The following TMC1 variants were observed in gnomAD, a reference collection of about 807,000 sequenced individuals.
TMC1 encodes the protein transmembrane channel-like protein 1.
A neutral mutation model predicts 105.8 loss-of-function variants in TMC1; 84 were observed. The observed-to-expected ratio is 0.79, with a 90% CI of 0.67 to 0.95. The LOEUF (loss-of-function observed/expected upper bound fraction) is 0.95, where lower values mean the gene tolerates loss of function less well. Among genes scored for constraint, TMC1 ranks in the 40% least tolerant of loss-of-function variants. TMC1 has a pLI of 0.00. For missense variants in TMC1, 817 were observed against 914.1 expected (o/e 0.89, Z 1.37); for synonymous variants, 315 against 311.5 (o/e 1.01, Z -0.12).
intron 7 of TMC1, among the ~76,000 whole-genome samples, chr9:72,699,820 G>A (rs1375075619): frequency 6.6e-6 from 1 of 151,748 alleles, no homozygotes; most frequent in Admixed American, 6.6e-5. Context: ...AGCCGGGCAA[G>A]ATGGCAGATG....
At chr9:72,722,565 A>G (rs1223605083) in intron 8 of TMC1, among the ~76,000 whole-genome samples, 1 of 152,190 alleles carries the variant, frequency 6.6e-6, no homozygotes, top group Non-Finnish European at 1.5e-5. Context: ...TCTCCATTTC[A>G]GAAGAGATTT....
intron 1 of TMC1, among the ~76,000 whole-genome samples, chr9:72,536,053 T>G (rs1377809800): frequency 6.6e-6 from 1 of 152,210 alleles, no homozygotes; most frequent in Non-Finnish European, 1.5e-5. Context: ...CCCCTAAAAC[T>G]TATGTCCTTC....
At chr9:72,749,487 A>T (rs533786657) in intron 10 of TMC1, among the ~76,000 whole-genome samples, 1 of 152,308 alleles carries the variant, frequency 6.6e-6, no homozygotes, top group African/African-American at 2.4e-5. Context: ...GATAACGGCC[A>T]TGAAATGGTA....
rs1021366573 is a variant in TMC1 at position 72,789,387 on chromosome 9, G to C, written c.1224+70G>C. 8.0e-6 allele frequency: 12 copies of C among 1,500,902 alleles called. No individual in the cohort carries two copies. The African/African-American group carries it at 1.5e-4, about 19-fold the overall frequency. The allele number at this position is 1,500,902 out of a possible 1,614,324, so 93.0% of individuals were successfully genotyped here. A position where few individuals can be genotyped will look rare whatever the true frequency, so the allele number is the denominator to read the frequency against. On this transcript the variant is annotated intron_variant, in intron 15 of 23. Transcript: ENST00000297784. ...TTTCTTTTGTGGGTTATGTTTCTTT[G>C]ATGGAACATTTAAAAAGGCCACCCT...
At chr9:72,561,132 T>A (rs1227899073) in intron 1 of TMC1, among the ~76,000 whole-genome samples, 1 of 151,548 alleles carries the variant, frequency 6.6e-6, no homozygotes, top group East Asian at 2.0e-4. Flanking sequence ...CCATCCTGGC[T>A]AACACGGTGA....
At chr9:72,605,120 A>G (rs1304697824) in intron 2 of TMC1, among the ~76,000 whole-genome samples, 2 of 152,222 alleles carry the variant, frequency 1.3e-5, no homozygotes, top group Non-Finnish European at 2.9e-5. Flanking sequence ...AACATACGCC[A>G]AAAACAATAT....
At position 72,830,713 on chromosome 9, in the gene TMC1, G is replaced by A. The variant is rs550266446; in HGVS notation, c.2260+31G>A. On this transcript the variant is annotated intron_variant, in intron 23 of 23. Coordinates refer to ENST00000297784, the MANE Select transcript of TMC1 (RefSeq NM_138691.3). ...AGATACGTTTATGTTTGTAATGTTT[G>A]TAATTTTTCTTTTTCTTTTTCTTTC... 499 of 1,456,956 alleles carry A rather than the reference G, an allele frequency of 3.4e-4. 7 individuals carry two copies. In the South Asian group the frequency reaches 5.0e-3, roughly 15 times the overall value. The allele number at this position is 1,456,956 out of a possible 1,614,324, so 90.3% of individuals were successfully genotyped here.
At chr9:72,786,886 C>T (rs968181028) in intron 13 of TMC1, among the ~76,000 whole-genome samples, 5 of 152,134 alleles carry the variant, frequency 3.3e-5, no homozygotes, top group Admixed American at 6.5e-5. Context: ...TGCCAAGTGG[C>T]CATTTTTACT....
At chr9:72,529,451 A>G (rs1362678545) in intron 1 of TMC1, among the ~76,000 whole-genome samples, 1 of 152,132 alleles carries the variant, frequency 6.6e-6, no homozygotes, top group Non-Finnish European at 1.5e-5. Flanking sequence ...CCCTGTCTCT[A>G]AAAAAGAAAA....
At chr9:72,821,945 A>T (rs1828882215) in intron 20 of TMC1, among the ~76,000 whole-genome samples, 1 of 152,208 alleles carries the variant, frequency 6.6e-6, no homozygotes, top group Non-Finnish European at 1.5e-5. Flanking sequence ...TAGTGAAAAA[A>T]ATTAAGGCTG....
intron 19 of TMC1, among the ~76,000 whole-genome samples, 179 bp downstream of exon 19, chr9:72,816,389 TC>T (rs1828788968): frequency 6.6e-6 from 1 of 152,226 alleles, no homozygotes; most frequent in African/African-American, 2.4e-5. Flanking sequence ...ATGTCAGTCA[TC>T]AAAGGTGTCT....
intron 8 of TMC1, among the ~76,000 whole-genome samples, chr9:72,702,884 T>C (rs1012155293): frequency 6.6e-6 from 1 of 151,914 alleles, no homozygotes; most frequent in African/African-American, 2.4e-5. Context: ...TGGGGAGAGA[T>C]AGGCATTAGC....
intron 1 of TMC1, among the ~76,000 whole-genome samples, chr9:72,555,243 T>C (rs1262415460): frequency 1.4e-5 from 2 of 147,834 alleles, no homozygotes; most frequent in African/African-American, 2.5e-5. Flanking sequence ...TCACCCAGGC[T>C]GGAGTGCAAT....
intron 8 of TMC1, among the ~76,000 whole-genome samples, chr9:72,701,780 G>A (rs545820150): frequency 1.5e-4 from 23 of 152,222 alleles, no homozygotes; most frequent in East Asian, 1.3e-3. Context: ...TTCTCTGTGC[G>A]CTTGAAGCGT....
At chr9:72,567,267 T>C (rs1019166721) in intron 1 of TMC1, among the ~76,000 whole-genome samples, 1 of 152,260 alleles carries the variant, frequency 6.6e-6, no homozygotes, top group Non-Finnish European at 1.5e-5. Flanking sequence ...CGTATTTGTC[T>C]GCTTACTTGT....
At chr9:72,548,433 A>G (rs1823806915) in intron 1 of TMC1, among the ~76,000 whole-genome samples, 1 of 152,022 alleles carries the variant, frequency 6.6e-6, no homozygotes, top group South Asian at 2.1e-4. Flanking sequence ...TTAATTGGGC[A>G]TGGTCAGGCG....
chr9:72,702,739 T>G (rs994744210), intron 8 of TMC1, among the ~76,000 whole-genome samples: 11 of 151,700 alleles, frequency 7.3e-5, no homozygotes, highest in Non-Finnish European at 1.2e-4. Flanking sequence ...CAGAAGGAAG[T>G]AAGGCATTTG....
intron 3 of TMC1, among the ~76,000 whole-genome samples, chr9:72,621,880 A>C (rs1334042011): frequency 6.6e-6 from 1 of 152,194 alleles, no homozygotes; most frequent in Non-Finnish European, 1.5e-5. Flanking sequence ...CTTGGAATCT[A>C]TCCTAAGGAA....
rs536543903 is a variant in TMC1 at position 72,590,772 on chromosome 9, G to A, written c.-306+12749G>A. On this transcript the variant is annotated intron_variant, in intron 2 of 23. Transcript: ENST00000297784. Reference sequence around the variant, plus strand: ...GTGTGTGACAGTATCTAACAGGTGAGGGCATTATATAATTTATTGTTGCAA... The same window carrying A: ...GTGTGTGACAGTATCTAACAGGTGAAGGCATTATATAATTTATTGTTGCAA... Among the ~76,000 whole-genome samples, 6 of 152,234 alleles carry A rather than the reference G, an allele frequency of 3.9e-5. No individual in the cohort carries two copies. In the South Asian group the frequency reaches 1.2e-3, roughly 32 times the overall value.
Sources: allele counts gnomAD v4.1 joint callset (sites outside exome capture counted in the v4.1 genomes callset), GRCh38; gene constraint gnomAD v4.1.1; transcripts MANE v1.5; gene names NCBI Gene and HGNC (gene_info 2026-07-23, HGNC 2026-07-21).